Variants in DCAF6 observed in about 807,000 individuals in gnomAD.
DCAF6 encodes DDB1- and CUL4-associated factor 6.
A neutral mutation model predicts 125.1 loss-of-function variants in DCAF6; 54 were observed. That is an observed-to-expected ratio of 0.43 (90% CI 0.35 to 0.54). The LOEUF is 0.54. Among genes scored for constraint, DCAF6 ranks in the 20% least tolerant of loss-of-function variants. The pLI, the probability that DCAF6 is intolerant of heterozygous loss-of-function variation, is 0.01. For missense variants in DCAF6, 934 were observed against 1,161.7 expected, an observed-to-expected ratio of 0.80 and a Z score of 2.85; for synonymous variants, 371 against 390.4, an observed-to-expected ratio of 0.95 and a Z score of 0.58.
chr1:167,946,901 G>A (rs747852910), intron 1 of DCAF6, among the ~76,000 whole-genome samples: 1 of 152,168 alleles, frequency 6.6e-6, no homozygotes, highest in African/African-American at 2.4e-5. Context: ...GAATAAGTTA[G>A]GGAGAGGCCT....
chr1:167,945,648 TG>T (rs541205928), intron 1 of DCAF6, among the ~76,000 whole-genome samples: 209 of 152,120 alleles, frequency 1.4e-3, no homozygotes, highest in African/African-American at 4.8e-3. Flanking sequence ...CGCACCACTA[TG>T]CCCAGCTAAT....
chr1:167,962,648 T>C (rs1675792317), intron 2 of DCAF6, among the ~76,000 whole-genome samples: 1 of 152,196 alleles, frequency 6.6e-6, no homozygotes, highest in Non-Finnish European at 1.5e-5. Flanking sequence ...TTTGATCCAC[T>C]CTGACAGTCT....
At chr1:168,031,697 G>C (rs553929281) in intron 12 of DCAF6, among the ~76,000 whole-genome samples, 1 of 151,018 alleles carries the variant, frequency 6.6e-6, no homozygotes, top group African/African-American at 2.5e-5. Context: ...AGGCAGACTT[G>C]ATTTTTTTTT....
At chr1:167,871,979 C>A in the DCAF6 span, among the ~76,000 whole-genome samples, 3 of 152,132 alleles carry the variant, frequency 2.0e-5, no homozygotes, top group Non-Finnish European at 4.4e-5. Context: ...ATGTAACAAA[C>A]CTGCACGTTG....
At chr1:167,974,515 G>A (rs1470131746) in intron 3 of DCAF6, among the ~76,000 whole-genome samples, 2 of 152,134 alleles carry the variant, frequency 1.3e-5, no homozygotes, top group African/African-American at 4.8e-5. Context: ...TCAAAAGTCA[G>A]TCAAAGTAGT....
At chr1:167,978,727 G>A (rs889025648) in intron 4 of DCAF6, among the ~76,000 whole-genome samples, 11 of 152,154 alleles carry the variant, frequency 7.2e-5, no homozygotes, top group African/African-American at 2.7e-4. Flanking sequence ...CACCCAGGCT[G>A]GAGAGCAGTG....
intron 2 of DCAF6, among the ~76,000 whole-genome samples, chr1:167,964,671 A>G (rs574257120): frequency 6.6e-6 from 1 of 152,306 alleles, no homozygotes; most frequent in East Asian, 1.9e-4. Flanking sequence ...CACATTATAC[A>G]TGAGTTATGC....
the DCAF6 span, among the ~76,000 whole-genome samples, chr1:167,910,999 C>T: frequency 0.08 from 12,246 of 152,270 alleles, 581 homozygotes; most frequent in Middle Eastern, 0.11. Context: ...GGCAATACCA[C>T]ACTCTCCTCA....
chr1:168,049,439 T>TG (rs991446044), intron 16 of DCAF6, among the ~76,000 whole-genome samples: 4 of 146,542 alleles, frequency 2.7e-5, no homozygotes, highest in Admixed American at 6.8e-5. Flanking sequence ...TTGTTTTTTT[T>TG]TTTTTTTTTT....
chr1:167,902,572 C>T, the DCAF6 span, among the ~76,000 whole-genome samples: 6 of 152,156 alleles, frequency 3.9e-5, no homozygotes, highest in African/African-American at 1.4e-4. Flanking sequence ...CTTTTAGTTA[C>T]GCATCATCAT....
intron 12 of DCAF6, among the ~76,000 whole-genome samples, chr1:168,030,662 G>T (rs1686969328): frequency 1.3e-5 from 2 of 152,208 alleles, no homozygotes; most frequent in Non-Finnish European, 2.9e-5. Flanking sequence ...ATGACACAGG[G>T]ATTGAGGAGG....
chr1:167,907,866 A>G, the DCAF6 span, among the ~76,000 whole-genome samples: 11 of 152,256 alleles, frequency 7.2e-5, no homozygotes, highest in Non-Finnish European at 1.5e-4. Context: ...AGAAAATATA[A>G]TTGGCTGGTT....
the DCAF6 span, among the ~76,000 whole-genome samples, chr1:167,898,594 GT>G: frequency 0.89 from 131,199 of 146,640 alleles, 58,782 homozygotes; most frequent in East Asian, 0.98. Flanking sequence ...GCGAGACTCC[GT>G]TTTTTTTTTT....
chr1:167,879,913 T>C, the DCAF6 span, among the ~76,000 whole-genome samples: 1 of 152,188 alleles, frequency 6.6e-6, no homozygotes, highest in Non-Finnish European at 1.5e-5. Context: ...CATGACTACA[T>C]ATTTCTCTAC....
At chr1:167,993,498 C>T (rs1278871910) in intron 7 of DCAF6, 58 bp downstream of exon 7, 16 of 1,470,846 alleles carry the variant, frequency 1.1e-5, no homozygotes, top group Non-Finnish European at 1.5e-5. Flanking sequence ...GCCTGTAATC[C>T]CAGCGCTTTG....
the DCAF6 span, among the ~76,000 whole-genome samples, chr1:167,877,811 C>T: frequency 3.9e-5 from 6 of 152,074 alleles, no homozygotes; most frequent in Admixed American, 1.3e-4. Flanking sequence ...AAATTGACTG[C>T]GGTTTTCCCA....
chr1:167,924,511 G>C, the DCAF6 span: 1 of 1,574,494 alleles, frequency 6.4e-7, no homozygotes, highest in South Asian at 1.2e-5. Context: ...TTCATAATTG[G>C]AGCCCAGAAG....
At chr1:167,971,785 A>G (rs1677345624) in intron 3 of DCAF6, among the ~76,000 whole-genome samples, 1 of 152,136 alleles carries the variant, frequency 6.6e-6, no homozygotes, top group Non-Finnish European at 1.5e-5. Flanking sequence ...TTTCAGAATA[A>G]CTCATAATGC....
chr1:167,900,670 T>C, the DCAF6 span, among the ~76,000 whole-genome samples: 2 of 152,084 alleles, frequency 1.3e-5, no homozygotes, highest in African/African-American at 4.8e-5. Flanking sequence ...GTAGCTGAGA[T>C]TACAGGCACC....
Sources: gnomAD v4.1 joint callset for allele counts (sites outside exome capture counted in the v4.1 genomes callset) on GRCh38, gnomAD v4.1.1 for gene constraint, MANE v1.5 for transcripts, NCBI Gene and HGNC (gene_info 2026-07-23, HGNC 2026-07-21) for gene names.